MTARC2: variants seen among roughly 807,000 people sequenced by gnomAD.
The protein encoded by MTARC2 is mitochondrial amidoxime reducing component 2, also known as MOCO sulphurase C-terminal domain containing 2.
MTARC2 carries 27 observed loss-of-function variants against 35.6 expected under a neutral mutation model. That is an observed-to-expected ratio of 0.76 (90% CI 0.56 to 1.04). The LOEUF (loss-of-function observed/expected upper bound fraction) is 1.04. Ranked by LOEUF, MTARC2 falls within the 50% of genes least tolerant of loss-of-function variation. The pLI, the probability that MTARC2 is intolerant of heterozygous loss-of-function variation, is 0.00. For missense variants in MTARC2, 412 were observed against 432.5 expected (o/e 0.95, Z 0.42); for synonymous variants, 158 against 167.1 (o/e 0.95, Z 0.42).
chr1:220,775,117 A>C (rs893172963), intron 4 of MTARC2, among the ~76,000 whole-genome samples: 3 of 152,210 alleles, frequency 2.0e-5, no homozygotes, highest in Non-Finnish European at 4.4e-5. Context: ...TCAAACAGAC[A>C]AACACCCTCA....
Position 220,748,513 on chromosome 1 carries a change from C to A in MTARC2, c.-19C>A. 1 of 1,379,158 alleles carries A rather than the reference C, an allele frequency of 7.3e-7. No individual in the cohort carries two copies. The highest frequency in any genetic ancestry group is 1.7e-5 in the South Asian group (1 of 59,920). The allele number at this position is 1,379,158 out of a possible 1,614,324, so 85.4% of individuals were successfully genotyped here. A position where few individuals can be genotyped will look rare whatever the true frequency, so the allele number is the denominator to read the frequency against. ...GCTGCCGGGTCTGTGCGCCGGTCCG[C>A]GCCCGCCCTCGCTCTGCCATGGGCG... On this transcript the variant is annotated 5_prime_UTR_variant, in exon 1 of 8. Transcript: ENST00000366913.
intron 1 of MTARC2, among the ~76,000 whole-genome samples, chr1:220,751,361 G>A (rs575365954): frequency 2.0e-5 from 3 of 152,294 alleles, no homozygotes; most frequent in African/African-American, 4.8e-5. Context: ...CTGGGAGGGC[G>A]TGCTTGTCCT....
chr1:220,777,946 A>C (rs1456108216), intron 4 of MTARC2, among the ~76,000 whole-genome samples: 1 of 152,216 alleles, frequency 6.6e-6, no homozygotes, highest in Non-Finnish European at 1.5e-5. Flanking sequence ...TAATTTATAA[A>C]GAAAAGAGGT....
In MTARC2 at chr1:220,761,799, C is replaced by A; in HGVS notation, c.588C>A (p.Pro196=). 6.2e-7 allele frequency: 1 copy of A among 1,610,384 alleles called. No homozygotes were observed. Among genetic ancestry groups the A allele is most frequent in the Non-Finnish European group, 8.5e-7 (1 of 1,178,740 alleles). Residue 196 remains proline (P), a synonymous_variant, in exon 3 of 8, where the codon CCC becomes CCA. Transcript: ENST00000366913. The stretch of plus-strand genomic sequence containing the variant: ...GAAGAACATCAAGAAAACTTCTCCC[C>A]ACTCTTGATCAGAATTTCCAGGTGA... ...MKGRTSRKLL[P]TLDQNFQVAY... is the part of the protein sequence containing the mutation.
At chr1:220,754,127 G>A (rs1161349652) in intron 1 of MTARC2, among the ~76,000 whole-genome samples, 1 of 152,152 alleles carries the variant, frequency 6.6e-6, no homozygotes, top group African/African-American at 2.4e-5. Context: ...ATTTTCCCTA[G>A]GAGTGGAAGA....
intron 2 of MTARC2, among the ~76,000 whole-genome samples, chr1:220,759,691 G>A (rs991036712): frequency 6.6e-6 from 1 of 152,136 alleles, no homozygotes; most frequent in Non-Finnish European, 1.5e-5. Flanking sequence ...GCTGAACAGT[G>A]GGATGGAATC....
chr1:220,757,670 C>T (rs1475355336), intron 2 of MTARC2, among the ~76,000 whole-genome samples: 1 of 152,142 alleles, frequency 6.6e-6, no homozygotes, highest in Non-Finnish European at 1.5e-5. Flanking sequence ...AGAGAGAAAG[C>T]AATCTTGTGT....
In MTARC2 at chr1:220,780,030, G is replaced by T. The variant is rs1672023421; in HGVS notation, c.763G>T (p.Glu255Ter). 1 of 1,534,136 alleles carries T rather than the reference G, an allele frequency of 6.5e-7. No individual in the cohort carries two copies. Among genetic ancestry groups the T allele is most frequent in the African/African-American group, 1.4e-5 (1 of 70,000 alleles). ...TCTTTTCTCTTAGGATACCTGGGATGAACTCCTAATTGGTAGTGTAGAAGT... is the reference window on the plus strand; with the variant it reads ...TCTTTTCTCTTAGGATACCTGGGATTAACTCCTAATTGGTAGTGTAGAAGT... Reference protein sequence around the residue: ...CDAFEEDTWDELLIGSVEVKK... With the variant: ...CDAFEEDTWD The change falls in exon 5 of 8, where the codon GAA becomes TAA. Residue 255 changes from glutamate to a stop codon, truncating the protein, a stop_gained. Transcript: ENST00000366913. LOFTEE classifies it high-confidence loss of function.
At chr1:220,771,514 C>T (rs1207738111) in intron 4 of MTARC2, among the ~76,000 whole-genome samples, 2 of 152,122 alleles carry the variant, frequency 1.3e-5, no homozygotes, top group Non-Finnish European at 2.9e-5. Context: ...ACTGGGTCTC[C>T]ACACAGTGCC....
At chr1:220,779,963 G>T in intron 4 of MTARC2, 55 bp from the exon 5 acceptor site, 1 of 1,343,664 alleles carries the variant, frequency 7.4e-7, no homozygotes, top group South Asian at 1.5e-5. Context: ...AGAATAAACA[G>T]ACTCAAAGGC....
In MTARC2 at chr1:220,753,466, G is replaced by C. The variant is rs972258629; in HGVS notation, c.273-1481G>C. ...AGCCAGCACCTGGAAAGGACTTTACGGATAAGGAGGTTGCAGATGTAAGAC... is the reference window on the plus strand; with the variant it reads ...AGCCAGCACCTGGAAAGGACTTTACCGATAAGGAGGTTGCAGATGTAAGAC... On this transcript the variant is annotated intron_variant, in intron 1 of 7. Transcript: ENST00000366913. Among the ~76,000 whole-genome samples, 5 of 152,282 alleles carry C rather than the reference G, an allele frequency of 3.3e-5. No individual in the cohort carries two copies. The East Asian group carries it at 7.7e-4, about 24-fold the overall frequency.
chr1:220,772,270 A>C (rs1044164297), intron 4 of MTARC2, among the ~76,000 whole-genome samples: 3 of 152,242 alleles, frequency 2.0e-5, no homozygotes, highest in Non-Finnish European at 4.4e-5. Context: ...GCAGCATTTT[A>C]AAGGCTCTCT....
intron 4 of MTARC2, among the ~76,000 whole-genome samples, chr1:220,778,265 A>AAAAAAG (rs1553254993): frequency 1.3e-4 from 18 of 138,552 alleles, no homozygotes; most frequent in South Asian, 2.4e-4. Flanking sequence ...AAAAAAAAAA[A>AAAAAAG]AAAGAAAGAA....
chr1:220,749,154 G>GA (rs1056121395), intron 1 of MTARC2, among the ~76,000 whole-genome samples: 4 of 152,184 alleles, frequency 2.6e-5, no homozygotes, highest in African/African-American at 9.7e-5. Flanking sequence ...AAAGCAGCAA[G>GA]AAAGAAACCA....
intron 4 of MTARC2, among the ~76,000 whole-genome samples, chr1:220,778,551 C>T (rs915829998): frequency 6.6e-6 from 1 of 152,136 alleles, no homozygotes; most frequent in Non-Finnish European, 1.5e-5. Flanking sequence ...AATTCTGTCC[C>T]GCCAGGTCCC....
At chr1:220,754,143 TTC>T (rs1297493494) in intron 1 of MTARC2, among the ~76,000 whole-genome samples, 2 of 152,220 alleles carry the variant, frequency 1.3e-5, no homozygotes, top group African/African-American at 4.8e-5. Context: ...GAAGATTTTT[TTC>T]TTTTTGGCAA....
chr1:220,749,603 G>C (rs760539589), intron 1 of MTARC2, among the ~76,000 whole-genome samples: 2 of 151,946 alleles, frequency 1.3e-5, no homozygotes, highest in Non-Finnish European at 2.9e-5. Context: ...GCTAATTTTT[G>C]TATTTTTAGT....
At chr1:220,768,926 CA>C (rs2102558834) in intron 4 of MTARC2, among the ~76,000 whole-genome samples, 1 of 152,226 alleles carries the variant, frequency 6.6e-6, no homozygotes, top group South Asian at 2.1e-4. Context: ...GAGCTTCTGA[CA>C]TGCGTATATT....
intron 4 of MTARC2, among the ~76,000 whole-genome samples, chr1:220,763,830 A>G (rs1183420989): frequency 2.6e-5 from 4 of 152,204 alleles, no homozygotes; most frequent in Non-Finnish European, 5.9e-5. Flanking sequence ...TCTTTACGAT[A>G]ACCCTGTGAA....
Sources: gnomAD v4.1 joint callset for allele counts (sites outside exome capture counted in the v4.1 genomes callset) on GRCh38, gnomAD v4.1.1 for gene constraint, MANE v1.5 for transcripts, NCBI Gene and HGNC (gene_info 2026-07-23, HGNC 2026-07-21) for gene names.